The following PTPN21 variants were observed in gnomAD, a reference collection of about 807,000 sequenced individuals.
PTPN21 encodes the protein tyrosine-protein phosphatase non-receptor type 21.
Under a neutral mutation model 131.8 loss-of-function variants are expected in PTPN21, and 77 were observed. The ratio of observed to expected loss-of-function variants is 0.58; its 90% CI spans 0.49 to 0.71. The LOEUF is 0.71. Ranked by LOEUF, PTPN21 falls within the 30% of genes least tolerant of loss-of-function variation. PTPN21 has a pLI of 0.00. For synonymous variants in PTPN21, 715 were observed against 621.3 expected, an observed-to-expected ratio of 1.15 and a Z score of -2.24; for missense variants, 1,552 against 1,527.1, an observed-to-expected ratio of 1.02 and a Z score of -0.27.
chr14:88,540,851 T>C (rs1055579645), intron 2 of PTPN21, among the ~76,000 whole-genome samples: 2 of 151,988 alleles, frequency 1.3e-5, no homozygotes, highest in African/African-American at 2.4e-5. Flanking sequence ...TTTGTATAGA[T>C]AGGGTCTCAC....
intron 11 of PTPN21, 35 bp from the exon 12 acceptor site, chr14:88,485,195 A>G: frequency 2.2e-6 from 3 of 1,364,504 alleles, no homozygotes; most frequent in South Asian, 1.4e-5. Flanking sequence ...GGGTTGAAAC[A>G]CATTGCTTAT....
At chr14:88,518,883 T>C (rs907736312) in intron 2 of PTPN21, among the ~76,000 whole-genome samples, 1 of 152,052 alleles carries the variant, frequency 6.6e-6, no homozygotes, top group African/African-American at 2.4e-5. Flanking sequence ...TCAGATGCAA[T>C]TCCAACTCTT....
Position 88,472,310 on chromosome 14 carries a change from A to G in PTPN21, c.2805T>C (p.Asp935=). Reference sequence around the variant, plus strand: ...TAGTTGGGACCAACTCCACTCTCACATCATCATAAGGAAGAACATCTTGGA... The same window carrying G: ...TAGTTGGGACCAACTCCACTCTCACGTCATCATAAGGAAGAACATCTTGGA... ...NRFQDVLPYD[D]VRVELVPTKE... Residue 935 remains aspartate, a synonymous_variant, in exon 15 of 19, where the codon GAT becomes GAC. Transcript: ENST00000556564. 2.5e-6 allele frequency: 4 copies of G among 1,613,940 alleles called. No homozygotes were observed. The highest frequency in any genetic ancestry group is 1.6e-4 in the Middle Eastern group (1 of 6,062).
In PTPN21 at chr14:88,473,798, A is replaced by G; in HGVS notation, c.2516T>C (p.Met839Thr). 6.2e-7 allele frequency: 1 copy of G among 1,603,202 alleles called. No homozygotes were observed. Among genetic ancestry groups the G allele is most frequent in the Non-Finnish European group, 8.5e-7 (1 of 1,177,410 alleles). ...TTTTGCATCTACTCGAGTCTTTTTC[A>G]TTCCCTGTAAAAGGATTTATATGTA... Reference protein sequence around the residue: ...IVEGLPPLGGMKKTRVDAKKI... With the variant: ...IVEGLPPLGGTKKTRVDAKKI... The change falls in exon 14 of 19, where the codon ATG becomes ACG. Residue 839 changes from methionine (M) to threonine (T), a missense_variant. Physicochemically the swap from Met to Thr is moderately conservative, Grantham distance 81. Transcript: ENST00000556564.
chr14:88,533,386 T>C (rs1186636070), intron 2 of PTPN21, among the ~76,000 whole-genome samples: 1 of 152,206 alleles, frequency 6.6e-6, no homozygotes, highest in Admixed American at 6.5e-5. Flanking sequence ...AGTGATGTTG[T>C]AGTTGCTAAG....
chr14:88,553,133 G>A (rs988946141), intron 1 of PTPN21, among the ~76,000 whole-genome samples: 1 of 152,132 alleles, frequency 6.6e-6, no homozygotes, highest in African/African-American at 2.4e-5. Context: ...CTTAAGCTCT[G>A]ATTAAGCAAA....
Position 88,479,829 on chromosome 14 carries a change from C to T in PTPN21, c.1602G>A (p.Val534=). 6.4e-7 allele frequency: 1 copy of T among 1,550,400 alleles called. No individual in the cohort carries two copies. ...YPYPAERRPV[V]GAVSVPELTN... is the part of the protein sequence containing the mutation. ...TCAGCTCCGGCACGCTGACCGCGCC[C>T]ACCACGGGCCGCCGCTCGGCAGGGT... The change falls in exon 13 of 19, where the codon GTG becomes GTA. Residue 534 remains valine (V), a synonymous_variant. Coordinates refer to ENST00000556564, the MANE Select transcript of PTPN21 (RefSeq NM_007039.4).
intron 3 of PTPN21, among the ~76,000 whole-genome samples, chr14:88,516,055 G>A (rs1299437548): frequency 2.0e-5 from 3 of 152,162 alleles, no homozygotes; most frequent in African/African-American, 7.2e-5. Flanking sequence ...ACAGTACCAG[G>A]TTCTTACTAT....
In PTPN21 at chr14:88,540,986, T is replaced by A. The variant is rs551525561; in HGVS notation, c.180+9252A>T. On this transcript the variant is annotated intron_variant, in intron 2 of 18. Transcript: ENST00000556564. ...CCAATAAGTTGTTTTTAGATTCACA[T>A]GAGCTTGCCACTCAGCATGAGATTA... Among the ~76,000 whole-genome samples, 6 of 152,340 alleles carry A rather than the reference T, an allele frequency of 3.9e-5. No homozygotes were observed. The East Asian group carries it at 1.2e-3, about 29-fold the overall frequency.
Position 88,485,815 on chromosome 14 carries a change from TGG to T in PTPN21, c.958_959del (p.Pro320AsnfsTer13), listed in dbSNP as rs774123689. On this transcript the variant is annotated frameshift_variant, in exon 11 of 19. Transcript: ENST00000556564. LOFTEE classifies it high-confidence loss of function. ...NLQTQTVTVN[P>X]IRRRSSSRMS... is the part of the protein sequence containing the mutation. ...TCCTTGAAGAAGACCTCCTCCTGAT[TGG>T]GTTCACTGTGACAGTCTGAGTTTGC... The T allele has an allele frequency of 6.2e-7, 1 of 1,609,264 alleles. No homozygotes were observed. The highest frequency in any genetic ancestry group is 8.5e-7 in the Non-Finnish European group (1 of 1,176,010).
At chr14:88,478,867 G>A (rs1327994030) in intron 13 of PTPN21, 53 bp downstream of exon 13, 4 of 1,263,682 alleles carry the variant, frequency 3.2e-6, no homozygotes, top group African/African-American at 1.6e-5. Context: ...TGAAAGAAGC[G>A]CCAGGGCGAA....
intron 2 of PTPN21, among the ~76,000 whole-genome samples, chr14:88,546,230 G>C (rs777717684): frequency 6.6e-6 from 1 of 151,442 alleles, no homozygotes; most frequent in Non-Finnish European, 1.5e-5. Context: ...GAAACCCCTG[G>C]GTATAGTGTT....
Position 88,479,611 on chromosome 14 carries a change from T to C in PTPN21, c.1820A>G (p.Gln607Arg), listed in dbSNP as rs750778945. 1.3e-5 allele frequency: 21 copies of C among 1,581,582 alleles called. No individual in the cohort carries two copies. The Admixed American group carries it at 2.6e-4, about 20-fold the overall frequency. Reference sequence around the variant, plus strand: ...GTGCGCCACGGGCAGGCTGTCCTCCTGGAACGTTTGCACCGAGTGGTGCAC... The same window carrying C: ...GTGCGCCACGGGCAGGCTGTCCTCCCGGAACGTTTGCACCGAGTGGTGCAC... Reference protein sequence around the residue: ...RRVHHSVQTFQEDSLPVAHSL... With the variant: ...RRVHHSVQTFREDSLPVAHSL... Residue 607 changes from glutamine (Q) to arginine (R), a missense_variant, in exon 13 of 19, where the codon CAG becomes CGG. Physicochemically the swap from Gln to Arg is conservative, Grantham distance 43. Transcript: ENST00000556564.
intron 2 of PTPN21, among the ~76,000 whole-genome samples, chr14:88,532,945 G>A (rs897777038): frequency 4.6e-5 from 7 of 152,178 alleles, no homozygotes; most frequent in Admixed American, 1.3e-4. Context: ...CTTTATTTAC[G>A]ACAGATAGAA....
chr14:88,503,734 G>A (rs1252911417), intron 6 of PTPN21: 1 of 128,566 alleles, frequency 7.8e-6, no homozygotes, highest in Admixed American at 7.1e-5. Flanking sequence ...AATACATCTC[G>A]ACTTAAAGAG....
At chr14:88,471,951 CGCCCTGAGT>C (rs531033047) in intron 15 of PTPN21, among the ~76,000 whole-genome samples, 64 of 150,140 alleles carry the variant, frequency 4.3e-4, no homozygotes, top group African/African-American at 1.5e-3. Flanking sequence ...CAAATAAGTG[CGCCCTGAGT>C]CCTGGTAACA....
chr14:88,510,433 G>A (rs914539960), intron 3 of PTPN21, among the ~76,000 whole-genome samples: 2 of 152,242 alleles, frequency 1.3e-5, no homozygotes, highest in African/African-American at 4.8e-5. Context: ...CTGGAGCTCA[G>A]AGATTAAGCA....
At chr14:88,500,904 G>A in intron 7 of PTPN21, 33 bp from the exon 8 acceptor site, 1 of 1,493,674 alleles carries the variant, frequency 6.7e-7, no homozygotes, top group South Asian at 1.1e-5. Flanking sequence ...GAAACACCCA[G>A]GAAGCAGATG....
chr14:88,481,764 T>G (rs924140247), intron 12 of PTPN21, among the ~76,000 whole-genome samples: 13 of 151,798 alleles, frequency 8.6e-5, no homozygotes, highest in African/African-American at 3.1e-4. Flanking sequence ...GAGGGGTAAG[T>G]GGGTGGGGTG....
Sources: allele counts gnomAD v4.1 joint callset (sites outside exome capture counted in the v4.1 genomes callset), GRCh38; gene constraint gnomAD v4.1.1; transcripts MANE v1.5; gene names NCBI Gene and HGNC (gene_info 2026-07-23, HGNC 2026-07-21).